AFAP1: variants seen among roughly 807,000 people sequenced by gnomAD.
AFAP1 encodes actin filament associated protein 1.
In AFAP1, 75 loss-of-function variants were observed where a neutral mutation model predicts 93.9. That is an observed-to-expected ratio of 0.80 (90% CI 0.66 to 0.97). AFAP1 has a LOEUF of 0.97. Among genes scored for constraint, AFAP1 ranks in the 50% least tolerant of loss-of-function variants. The probability of loss-of-function intolerance (pLI) is 0.00; values close to 1 mark genes in which losing one functional copy is unlikely to be tolerated. For missense variants in AFAP1, 1,201 were observed against 1,050.8 expected, an observed-to-expected ratio of 1.14 and a Z score of -1.98; for synonymous variants, 517 against 430.7, an observed-to-expected ratio of 1.20 and a Z score of -2.48.
intron 6 of AFAP1, among the ~76,000 whole-genome samples, chr4:7,837,897 G>A (rs528562296): frequency 1.1e-4 from 16 of 152,136 alleles, no homozygotes; most frequent in African/African-American, 3.1e-4. Flanking sequence ...CATGTCATGC[G>A]AGCTAACTTG....
At position 7,881,423 on chromosome 4, in the gene AFAP1, G is replaced by A. The variant is rs182423977; in HGVS notation, c.-2-9343C>T. 6.4e-4 allele frequency among the ~76,000 whole-genome samples: 98 copies of A among 152,034 alleles called. 1 individual carries two copies. Among genetic ancestry groups the A allele is most frequent in the African/African-American group, 2.0e-3 (85 of 41,476 alleles). ...TCACATCCCACCTCTTGGTGAAGCC[G>A]TCCCTGATCATTCTATCCCTGCCAA... On this transcript the variant is annotated intron_variant, in intron 1 of 17. Transcript: ENST00000420658.
At chr4:7,889,847 G>A (rs1333412581) in intron 1 of AFAP1, among the ~76,000 whole-genome samples, 2 of 151,092 alleles carry the variant, frequency 1.3e-5, no homozygotes, top group African/African-American at 2.4e-5. Context: ...ATGAGATGCT[G>A]TTAAGAAAAC....
intron 13 of AFAP1, 70 bp downstream of exon 13, chr4:7,781,306 G>A: frequency 6.6e-7 from 1 of 1,510,882 alleles, no homozygotes; most frequent in Non-Finnish European, 8.9e-7. Context: ...TTTACTACAA[G>A]TTGCAAAACT....
chr4:7,863,462 A>G (rs1201599823), intron 3 of AFAP1, among the ~76,000 whole-genome samples: 1 of 152,194 alleles, frequency 6.6e-6, no homozygotes, highest in African/African-American at 2.4e-5. Flanking sequence ...AGAAAATAAA[A>G]GCACAGCTCT....
intron 10 of AFAP1, chr4:7,799,244 C>G (rs541485134): frequency 4.8e-6 from 1 of 206,518 alleles, no homozygotes; most frequent in Non-Finnish European, 8.5e-6. Context: ...AAACCAGCCA[C>G]GGGGGCAGCA....
At chr4:7,791,574 C>T (rs1002361223) in intron 11 of AFAP1, among the ~76,000 whole-genome samples, 7 of 151,932 alleles carry the variant, frequency 4.6e-5, no homozygotes, top group East Asian at 1.9e-4. Context: ...AGTAGCATCG[C>T]GGGTCATGCC....
At chr4:7,843,417 G>C (rs1436419869) in intron 4 of AFAP1, 67 bp from the exon 5 acceptor site, 3 of 1,399,130 alleles carry the variant, frequency 2.1e-6, no homozygotes, top group Middle Eastern at 1.9e-4. Context: ...GTGGGCTCAA[G>C]AGCACGTCCT....
Position 7,772,877 on chromosome 4 carries a change from C to A in AFAP1, c.2196G>T (p.Ala732=), listed in dbSNP as rs528244171. 1 of 1,614,204 alleles carries A rather than the reference C, an allele frequency of 6.2e-7. No individual in the cohort carries two copies. Among genetic ancestry groups the A allele is most frequent in the South Asian group, 1.1e-5 (1 of 91,080 alleles). Residue 732 remains alanine (A), a synonymous_variant, in exon 16 of 18, where the codon GCG becomes GCT. Transcript: ENST00000420658. ...EVKESLKKAL[A]GGVTLGLAIE... ...TGGCCAGCCCCAGGGTGACTCCGCC[C>A]GCCAGCGCTTTCTTCAGGCTCTCCT... is the stretch of plus-strand genomic sequence containing the variant.
intron 6 of AFAP1, among the ~76,000 whole-genome samples, chr4:7,820,048 C>T (rs917856188): frequency 3.9e-5 from 6 of 152,142 alleles, no homozygotes; most frequent in African/African-American, 1.2e-4. Context: ...ACAACAACAA[C>T]GAAAAAGCAT....
rs869214535 is a variant in AFAP1, at chr4:7,874,356, C to CTTTT, written c.-2-2280_-2-2277dup. Among the ~76,000 whole-genome samples, 459 of 92,348 alleles carry CTTTT rather than the reference C, an allele frequency of 5.0e-3. 28 individuals are homozygous for CTTTT. The highest frequency in any genetic ancestry group is 0.019 in the African/African-American group (407 of 21,180). The allele number at this position is 92,348 out of a possible 152,430, so 60.6% of individuals were successfully genotyped here. A position where few individuals can be genotyped will look rare whatever the true frequency, so the allele number is the denominator to read the frequency against. ...CTGTGGGAGGTCAGATTGCCTTTTT[C>CTTTT]TTTTTTTTTTTTTTTTTTTTTTTTT... is the stretch of plus-strand genomic sequence containing the variant. On this transcript the variant is annotated intron_variant, in intron 1 of 17. Transcript: ENST00000420658.
At chr4:7,821,820 G>C (rs1048157503) in intron 6 of AFAP1, among the ~76,000 whole-genome samples, 2 of 152,200 alleles carry the variant, frequency 1.3e-5, no homozygotes, top group Non-Finnish European at 2.9e-5. Flanking sequence ...GACCAGGATA[G>C]TGTTTCCAGC....
At chr4:7,917,383 G>T (rs537630059) in intron 1 of AFAP1, among the ~76,000 whole-genome samples, 1 of 152,196 alleles carries the variant, frequency 6.6e-6, no homozygotes, top group Admixed American at 6.5e-5. Flanking sequence ...CACTGGAAAA[G>T]ATCTGGAAGG....
At chr4:7,930,149 C>T (rs2149244316) in intron 1 of AFAP1, among the ~76,000 whole-genome samples, 1 of 152,302 alleles carries the variant, frequency 6.6e-6, no homozygotes, top group East Asian at 1.9e-4. Flanking sequence ...TTGGCACTTA[C>T]TTACTCTTAT....
Position 7,786,259 on chromosome 4 carries a change from T to C in AFAP1, c.1465A>G (p.Asn489Asp). 1 of 1,614,208 alleles carries C rather than the reference T, an allele frequency of 6.2e-7. No homozygotes were observed. Among genetic ancestry groups the C allele is most frequent in the Non-Finnish European group, 8.5e-7 (1 of 1,180,042 alleles). ...SANPYLGGTS[N>D]GYAHPSGTAL... ...GTCCCGCTGGGGTGGGCATAGCCGT[T>C]GGAGGTGCCCCCTAGATATGGGTTA... The change falls in exon 12 of 18, where the codon AAC becomes GAC. Residue 489 changes from asparagine to aspartate, a missense_variant. Transcript: ENST00000420658.
intron 6 of AFAP1, among the ~76,000 whole-genome samples, chr4:7,823,009 G>T (rs1470596164): frequency 6.6e-6 from 1 of 151,872 alleles, no homozygotes; most frequent in East Asian, 1.9e-4. Context: ...TCTTCTGGAG[G>T]AGCTGTGCTT....
rs542540739 is a variant in AFAP1 at position 7,815,544 on chromosome 4, C to G, written c.904+474G>C. Among the ~76,000 whole-genome samples the G allele has an allele frequency of 4.8e-4, 73 of 152,242 alleles. 1 individual carries two copies. Among genetic ancestry groups the G allele is most frequent in the African/African-American group, 1.7e-3 (71 of 41,528 alleles). ...CCTCCTCATTTTAAAGATGGGGAAA[C>G]TGAGGCTCATCAAGAGGGAATACCT... is the stretch of plus-strand genomic sequence containing the variant. On this transcript the variant is annotated intron_variant, in intron 8 of 17. Transcript: ENST00000420658.
intron 6 of AFAP1, among the ~76,000 whole-genome samples, chr4:7,823,027 T>G (rs1033617446): frequency 4.6e-5 from 7 of 151,930 alleles, no homozygotes; most frequent in African/African-American, 1.7e-4. Context: ...CTTTTTTTTA[T>G]ATAGCTAAAT....
intron 1 of AFAP1, among the ~76,000 whole-genome samples, chr4:7,914,840 C>T (rs1323580055): frequency 1.3e-5 from 2 of 152,114 alleles, no homozygotes; most frequent in African/African-American, 4.8e-5. Flanking sequence ...CTCCACCTCC[C>T]AGGTTCCAGA....
chr4:7,802,393 G>A (rs1719125859), intron 9 of AFAP1, among the ~76,000 whole-genome samples: 1 of 152,190 alleles, frequency 6.6e-6, no homozygotes, highest in Non-Finnish European at 1.5e-5. Context: ...GCAGGGAGGT[G>A]AAGAGGCCCT....
Sources: gnomAD v4.1 joint callset for allele counts (sites outside exome capture counted in the v4.1 genomes callset) on GRCh38, gnomAD v4.1.1 for gene constraint, MANE v1.5 for transcripts, NCBI Gene and HGNC (gene_info 2026-07-23, HGNC 2026-07-21) for gene names.